The following DCHS2 variants were observed in gnomAD, a reference collection of about 807,000 sequenced individuals.
The protein encoded by DCHS2 is dachsous cadherin-related 2.
A neutral mutation model predicts 182.4 loss-of-function variants in DCHS2; 142 were observed. The observed-to-expected ratio is 0.78, with a 90% CI of 0.68 to 0.89. The LOEUF (loss-of-function observed/expected upper bound fraction) is 0.89. Among genes scored for constraint, DCHS2 ranks in the 40% least tolerant of loss-of-function variants. The probability of loss-of-function intolerance (pLI) is 0.00; values close to 1 mark genes in which losing one functional copy is unlikely to be tolerated. For synonymous variants in DCHS2, 1,740 were observed against 1,663.3 expected, an observed-to-expected ratio of 1.05 and a Z score of -1.12; for missense variants, 4,319 against 4,198.6, an observed-to-expected ratio of 1.03 and a Z score of -0.79.
At chr4:154,345,715 C>T (rs1729327979) in intron 3 of DCHS2, among the ~76,000 whole-genome samples, 1 of 152,184 alleles carries the variant, frequency 6.6e-6, no homozygotes, top group African/African-American at 2.4e-5. Context: ...CTGTGTCTGT[C>T]TCATTCACCA....
chr4:154,469,446 G>A (rs751738459), intron 1 of DCHS2, among the ~76,000 whole-genome samples: 4 of 152,160 alleles, frequency 2.6e-5, no homozygotes, highest in Non-Finnish European at 5.9e-5. Flanking sequence ...ATTAAGACCT[G>A]AAAGGAATTT....
chr4:154,440,748 T>C (rs1733975432), intron 1 of DCHS2, among the ~76,000 whole-genome samples: 1 of 152,186 alleles, frequency 6.6e-6, no homozygotes, highest in Non-Finnish European at 1.5e-5. Flanking sequence ...GTACCCTTCT[T>C]ATCCCTACAG....
At chr4:154,243,042 C>T (rs547413641) in intron 16 of DCHS2, among the ~76,000 whole-genome samples, 1 of 152,170 alleles carries the variant, frequency 6.6e-6, no homozygotes, top group East Asian at 1.9e-4. Flanking sequence ...TTTCGGAGAG[C>T]CAGACTGTAA....
chr4:154,479,776 C>T (rs1320965283), intron 1 of DCHS2, among the ~76,000 whole-genome samples: 1 of 152,040 alleles, frequency 6.6e-6, no homozygotes, highest in Non-Finnish European at 1.5e-5. Context: ...CCTCTAATAC[C>T]GTCAAACATT....
intron 3 of DCHS2, chr4:154,343,533 GC>G (rs1286017887): frequency 6.6e-7 from 1 of 1,520,354 alleles, no homozygotes; most frequent in Non-Finnish European, 8.8e-7. Context: ...AGCACTTGCT[GC>G]TTCATCTTGC....
intron 13 of DCHS2, among the ~76,000 whole-genome samples, chr4:154,291,645 C>T (rs1734665135): frequency 6.6e-6 from 1 of 152,098 alleles, no homozygotes; most frequent in Non-Finnish European, 1.5e-5. Flanking sequence ...TCATCTGCAA[C>T]AACATGGATG....
intron 1 of DCHS2, among the ~76,000 whole-genome samples, chr4:154,451,396 T>C (rs1251196438): frequency 6.6e-6 from 1 of 152,176 alleles, no homozygotes; most frequent in African/African-American, 2.4e-5. Context: ...TTCCAAGATA[T>C]AAAGTTGGGT....
At chr4:154,350,786 A>G (rs991795719) in intron 3 of DCHS2, among the ~76,000 whole-genome samples, 2 of 152,214 alleles carry the variant, frequency 1.3e-5, no homozygotes, top group African/African-American at 4.8e-5. Flanking sequence ...TAAATTTACC[A>G]ATATTAACTT....
At chr4:154,262,814 TG>T (rs1225478992) in intron 14 of DCHS2, among the ~76,000 whole-genome samples, 2 of 152,232 alleles carry the variant, frequency 1.3e-5, no homozygotes, top group Non-Finnish European at 2.9e-5. Flanking sequence ...TGATCAGTTT[TG>T]TTTTGCGCCA....
chr4:154,333,332 G>T lies in DCHS2; in HGVS notation c.2876C>A (p.Ala959Asp). The T allele has an allele frequency of 6.2e-7, 1 of 1,614,106 alleles. No homozygotes were observed. Among genetic ancestry groups the T allele is most frequent in the South Asian group, 1.1e-5 (1 of 91,086 alleles). Reference protein sequence around the residue: ...TVQAQLGSAPACSSTEVNITV... With the variant: ...TVQAQLGSAPDCSSTEVNITV... ...TATGTTGACCTCGGTGCTGCTGCAG[G>T]CTGGGGCGCTGCCGAGCTGCGCCTG... The change falls in exon 5 of 20, where the codon GCC (alanine) becomes GAC (aspartate). Residue 959 changes from alanine (A) to aspartate (D), a missense_variant. Ala to Asp is a moderately radical substitution (Grantham distance 126). Coordinates refer to ENST00000357232, the MANE Select transcript of DCHS2 (RefSeq NM_001358235.2).
chr4:154,424,338 C>A (rs1579070352), intron 1 of DCHS2, among the ~76,000 whole-genome samples: 1 of 152,104 alleles, frequency 6.6e-6, no homozygotes, highest in African/African-American at 2.4e-5. Flanking sequence ...TCTTAACATT[C>A]CAAGCAAATG....
At chr4:154,390,003 T>C (rs935890745) in intron 1 of DCHS2, among the ~76,000 whole-genome samples, 1 of 152,218 alleles carries the variant, frequency 6.6e-6, no homozygotes, top group African/African-American at 2.4e-5. Context: ...ATCCACGGAC[T>C]GGCACTTCAA....
chr4:154,406,316 C>T (rs1188072603), intron 1 of DCHS2, among the ~76,000 whole-genome samples: 2 of 152,364 alleles, frequency 1.3e-5, no homozygotes, highest in Non-Finnish European at 2.9e-5. Context: ...TCAGCAAGAA[C>T]ACTGCTCCTC....
chr4:154,269,843 A>G (rs746134864), intron 14 of DCHS2, 57 bp downstream of exon 14: 7 of 1,564,220 alleles, frequency 4.5e-6, no homozygotes, highest in Non-Finnish European at 6.0e-6. Context: ...CAAATTTTGC[A>G]GAAATAACAT....
intron 2 of DCHS2, 137 bp from the exon 3 acceptor site, chr4:154,366,578 A>G: frequency 3.1e-6 from 2 of 635,210 alleles, no homozygotes; most frequent in Non-Finnish European, 5.7e-6. Flanking sequence ...ATATGTGTGT[A>G]TACACATATA....
At chr4:154,349,224 A>C (rs1026599458) in intron 3 of DCHS2, among the ~76,000 whole-genome samples, 1 of 150,104 alleles carries the variant, frequency 6.7e-6, no homozygotes, top group Non-Finnish European at 1.5e-5. Flanking sequence ...AACAGGGAAC[A>C]AAAAGTCATT....
intron 1 of DCHS2, among the ~76,000 whole-genome samples, chr4:154,480,732 C>G (rs2172035): frequency 6.6e-6 from 1 of 152,150 alleles, no homozygotes; most frequent in African/African-American, 2.4e-5. Flanking sequence ...GTCAATATAT[C>G]TAGTACACAC....
At chr4:154,461,767 A>G (rs773776308) in intron 1 of DCHS2, among the ~76,000 whole-genome samples, 5 of 152,138 alleles carry the variant, frequency 3.3e-5, no homozygotes, top group Non-Finnish European at 7.3e-5. Context: ...GCTGCAGCAC[A>G]TAGATCCTTA....
intron 10 of DCHS2, among the ~76,000 whole-genome samples, chr4:154,313,536 T>C (rs1046003820): frequency 5.9e-5 from 9 of 152,180 alleles, no homozygotes; most frequent in Admixed American, 4.6e-4. Context: ...AAACCATTCA[T>C]AAATTCCAGT....
Sources: allele counts gnomAD v4.1 joint callset (sites outside exome capture counted in the v4.1 genomes callset), GRCh38; gene constraint gnomAD v4.1.1; transcripts MANE v1.5; gene names NCBI Gene and HGNC (gene_info 2026-07-23, HGNC 2026-07-21).